The following XKR9 variants were observed in gnomAD, a reference collection of about 807,000 sequenced individuals.
XKR9 encodes XK related 9.
XKR9 carries 32 observed loss-of-function variants against 32.0 expected under a neutral mutation model. The ratio of observed to expected loss-of-function variants is 1.00; its 90% CI spans 0.76 to 1.34. The LOEUF (loss-of-function observed/expected upper bound fraction) is 1.34, where lower values mean the gene tolerates loss of function less well. XKR9 is among the 40% of genes most tolerant of loss of function. The pLI, the probability that XKR9 is intolerant of heterozygous loss-of-function variation, is 0.00. For missense variants in XKR9, 546 were observed against 429.7 expected, an observed-to-expected ratio of 1.27 and a Z score of -2.39; for synonymous variants, 168 against 143.4, an observed-to-expected ratio of 1.17 and a Z score of -1.22.
At chr8:71,001,492 G>A in the XKR9 span, among the ~76,000 whole-genome samples, 9,027 of 152,028 alleles carry the variant, frequency 0.059, 379 homozygotes, top group Non-Finnish European at 0.084. Flanking sequence ...CAAACTCCTG[G>A]GCTCAAGCAA....
At chr8:70,728,806 T>C (rs1806564304) in intron 4 of XKR9, among the ~76,000 whole-genome samples, 1 of 152,250 alleles carries the variant, frequency 6.6e-6, no homozygotes, top group Non-Finnish European at 1.5e-5. Context: ...GCAAGATTAT[T>C]TTTCACATAG....
the XKR9 span, among the ~76,000 whole-genome samples, chr8:70,980,817 T>G: frequency 6.6e-6 from 1 of 152,346 alleles, no homozygotes; most frequent in East Asian, 1.9e-4. Flanking sequence ...TTAACCGTTC[T>G]TGTAGTGCTG....
chr8:70,895,348 C>T, the XKR9 span, among the ~76,000 whole-genome samples: 2 of 152,098 alleles, frequency 1.3e-5, no homozygotes, highest in African/African-American at 4.8e-5. Context: ...ATGAAAATAT[C>T]GCTGTTTATT....
chr8:70,821,312 C>A, the XKR9 span, among the ~76,000 whole-genome samples: 1 of 152,228 alleles, frequency 6.6e-6, no homozygotes, highest in Non-Finnish European at 1.5e-5. Flanking sequence ...GCAGCTCCAC[C>A]CCTGTGGCTT....
chr8:70,971,310 AT>A, the XKR9 span, among the ~76,000 whole-genome samples: 36 of 146,440 alleles, frequency 2.5e-4, no homozygotes, highest in South Asian at 8.6e-4. Context: ...TTTTGATGGG[AT>A]TTTTTTTTTC....
chr8:70,709,018 C>A (rs1430393785), intron 4 of XKR9, among the ~76,000 whole-genome samples: 1 of 152,226 alleles, frequency 6.6e-6, no homozygotes, highest in Admixed American at 6.5e-5. Flanking sequence ...AGGCCAATAT[C>A]TTTCATGAAC....
intron 4 of XKR9, among the ~76,000 whole-genome samples, chr8:70,718,556 G>A (rs1806169039): frequency 6.6e-6 from 1 of 152,232 alleles, no homozygotes; most frequent in Non-Finnish European, 1.5e-5. Context: ...CCATTTATGA[G>A]TGAGAACATG....
chr8:70,776,947 C>CTCTCTCTATATATATA lies in XKR9; in HGVS notation n.353-12391_353-12390insCTCTCTATATATATAT. On this transcript the variant is annotated intron_variant and non_coding_transcript_variant, in intron 2 of 3. Transcript: ENST00000520273. The stretch of plus-strand genomic sequence containing the variant: ...TTTCTCTCTCTCTCTCTCTCTCTCT[C>CTCTCTCTATATATATA]TATATATATATATATATGTATGTAT... Among the ~76,000 whole-genome samples the CTCTCTCTATATATATA allele has an allele frequency of 3.2e-3, 176 of 54,200 alleles. 4 individuals carry two copies. The highest frequency in any genetic ancestry group is 5.9e-3 in the African/African-American group (75 of 12,606). The allele number at this position is 54,200 out of a possible 152,430, so 35.6% of individuals were successfully genotyped here.
intron 3 of XKR9, among the ~76,000 whole-genome samples, chr8:70,700,618 G>T (rs1586830924): frequency 6.6e-6 from 1 of 152,152 alleles, no homozygotes; most frequent in East Asian, 1.9e-4. Flanking sequence ...CAGTTAGGCT[G>T]CTCGGGGGTC....
intron 2 of XKR9, among the ~76,000 whole-genome samples, chr8:70,784,525 T>G (rs1164107707): frequency 6.6e-6 from 1 of 152,096 alleles, no homozygotes; most frequent in Non-Finnish European, 1.5e-5. Context: ...ATGCTACTGA[T>G]TTTTGTGCGT....
At chr8:70,990,868 A>G in the XKR9 span, among the ~76,000 whole-genome samples, 2 of 152,174 alleles carry the variant, frequency 1.3e-5, no homozygotes, top group African/African-American at 4.8e-5. Flanking sequence ...TAAAATGGGT[A>G]TGGAGACTCA....
At chr8:70,936,373 A>G in the XKR9 span, among the ~76,000 whole-genome samples, 1 of 152,204 alleles carries the variant, frequency 6.6e-6, no homozygotes, top group East Asian at 1.9e-4. Context: ...GGCTTTCCTT[A>G]CACTGGAAGA....
the XKR9 span, among the ~76,000 whole-genome samples, chr8:70,803,043 G>A: frequency 2.0e-5 from 3 of 152,170 alleles, no homozygotes; most frequent in Non-Finnish European, 4.4e-5. Flanking sequence ...CCTCAAATAT[G>A]TTTTTCAAGT....
chr8:70,884,199 TC>T, the XKR9 span, among the ~76,000 whole-genome samples: 2 of 152,212 alleles, frequency 1.3e-5, no homozygotes, highest in African/African-American at 2.4e-5. Context: ...ATGTGTTTTT[TC>T]AGATCTTTGC....
At chr8:71,022,567 T>C in the XKR9 span, among the ~76,000 whole-genome samples, 2 of 152,222 alleles carry the variant, frequency 1.3e-5, no homozygotes, top group African/African-American at 4.8e-5. Flanking sequence ...TCTTTGACTT[T>C]TGACAGTTTG....
chr8:70,705,174 G>T (rs1326384157), intron 3 of XKR9, among the ~76,000 whole-genome samples: 1 of 151,846 alleles, frequency 6.6e-6, no homozygotes, highest in Non-Finnish European at 1.5e-5. Flanking sequence ...TATCTTTATG[G>T]AAAAAAATGT....
intron 3 of XKR9, among the ~76,000 whole-genome samples, chr8:70,692,008 T>C (rs1805086461): frequency 6.7e-6 from 1 of 148,342 alleles, no homozygotes; most frequent in Non-Finnish European, 1.5e-5. Flanking sequence ...TTGGGCAGTA[T>C]AGCCATTTTA....
intron 2 of XKR9, among the ~76,000 whole-genome samples, chr8:70,744,321 AAT>A (rs1807028260): frequency 6.6e-6 from 1 of 152,144 alleles, no homozygotes; most frequent in South Asian, 2.1e-4. Flanking sequence ...AAAAAAAAAA[AAT>A]CTTTCTGTAA....
chr8:70,882,063 T>G, the XKR9 span, among the ~76,000 whole-genome samples: 13 of 151,454 alleles, frequency 8.6e-5, no homozygotes, highest in African/African-American at 2.9e-4. Flanking sequence ...AATTGAACAA[T>G]GAAATCACTT....
Sources: gnomAD v4.1 joint callset for allele counts (sites outside exome capture counted in the v4.1 genomes callset) on GRCh38, gnomAD v4.1.1 for gene constraint, MANE v1.5 for transcripts, NCBI Gene and HGNC (gene_info 2026-07-23, HGNC 2026-07-21) for gene names.